RAP1GAP2: variants seen among roughly 807,000 people sequenced by gnomAD.
RAP1GAP2 encodes RAP1 GTPase activating protein 2, also known as rap1 GTPase-activating protein 2.
In RAP1GAP2, 27 loss-of-function variants were observed where a neutral mutation model predicts 95.0. The ratio of observed to expected loss-of-function variants is 0.28; its 90% CI spans 0.21 to 0.39. The LOEUF (loss-of-function observed/expected upper bound fraction) is 0.39. RAP1GAP2 is among the 10% of genes least tolerant of loss of function. The pLI is 1.00. For missense variants in RAP1GAP2, 771 were observed against 970.0 expected, an observed-to-expected ratio of 0.79 and a Z score of 2.72; for synonymous variants, 373 against 380.9, an observed-to-expected ratio of 0.98 and a Z score of 0.24.
chr17:2,927,066 G>C (rs1483096908), intron 3 of RAP1GAP2, among the ~76,000 whole-genome samples: 1 of 151,288 alleles, frequency 6.6e-6, no homozygotes, highest in Non-Finnish European at 1.5e-5. Context: ...AGGCTCTAGG[G>C]GACAATCTAT....
intron 1 of RAP1GAP2, among the ~76,000 whole-genome samples, chr17:2,788,596 C>T (rs1432079376): frequency 1.3e-5 from 2 of 152,168 alleles, no homozygotes; most frequent in East Asian, 3.8e-4. Context: ...AGGCATGAGC[C>T]ACTGCACCCC....
intron 2 of RAP1GAP2, among the ~76,000 whole-genome samples, chr17:2,891,341 A>G (rs766904581): frequency 1.3e-5 from 2 of 151,610 alleles, no homozygotes; most frequent in Non-Finnish European, 2.9e-5. Flanking sequence ...TGGTCTCACT[A>G]TATTGCCCAA....
intron 10 of RAP1GAP2, among the ~76,000 whole-genome samples, chr17:2,983,069 C>T (rs993027121): frequency 6.6e-6 from 1 of 152,220 alleles, no homozygotes; most frequent in East Asian, 1.9e-4. Flanking sequence ...GCTGGGGGAG[C>T]TGCGAAGCGT....
At chr17:2,864,007 G>A (rs371768822) in intron 2 of RAP1GAP2, among the ~76,000 whole-genome samples, 26 of 151,980 alleles carry the variant, frequency 1.7e-4, no homozygotes, top group East Asian at 1.5e-3. Flanking sequence ...AGCCGAGATC[G>A]CGCCACTGCA....
rs983887154 is a variant in RAP1GAP2 at position 2,922,835 on chromosome 17, T to G, written c.165+17467T>G. ...CCAGTATTTTCTTTTTGTTTTTGTT[T>G]TTTTTTTTTTTTTTGAGACAGAAAT... is the stretch of plus-strand genomic sequence containing the variant. On this transcript the variant is annotated intron_variant, in intron 3 of 24. Transcript: ENST00000254695. Among the ~76,000 whole-genome samples, 600 of 148,854 alleles carry G rather than the reference T, an allele frequency of 4.0e-3. 5 individuals carry two copies. The highest frequency in any genetic ancestry group is 6.8e-3 in the Admixed American group (102 of 14,988).
intron 22 of RAP1GAP2, among the ~76,000 whole-genome samples, chr17:3,028,948 G>A (rs2047209977): frequency 6.6e-6 from 1 of 152,192 alleles, no homozygotes; most frequent in East Asian, 1.9e-4. Context: ...TTACAGGCAT[G>A]TGCCACATGC....
At chr17:2,761,363 A>T in intron 1 of RAP1GAP2, among the ~76,000 whole-genome samples, 1 of 145,370 alleles carries the variant, frequency 6.9e-6, no homozygotes, top group East Asian at 2.0e-4. Context: ...ATCTCAGCTC[A>T]CCGCAACCTC....
chr17:2,957,884 G>T, intron 4 of RAP1GAP2, 90 bp downstream of exon 4: 1 of 1,330,328 alleles, frequency 7.5e-7, no homozygotes. Flanking sequence ...GGCAGAAGCC[G>T]GGTGCCCTGG....
At chr17:2,844,082 T>G (rs1360113546) in intron 2 of RAP1GAP2, among the ~76,000 whole-genome samples, 8 of 151,956 alleles carry the variant, frequency 5.3e-5, no homozygotes, top group African/African-American at 9.7e-5. Context: ...GTGCAGTGGC[T>G]CGATCTCGGC....
In RAP1GAP2 at chr17:3,027,617, AG is replaced by A. The variant is rs140439238; in HGVS notation, c.2107+548del. ...GGCCGGAGCGTTGACAGGCTGGGTC[AG>A]CCCCGGGCCCCGGGTGAGGATTTTG... On this transcript the variant is annotated intron_variant, in intron 22 of 24. Coordinates refer to ENST00000254695, the MANE Select transcript of RAP1GAP2 (RefSeq NM_015085.5). This position sits in a 1 kb window ranked among gnomAD's most constrained non-coding sequence, Gnocchi z 5.2. 0.15 allele frequency among the ~76,000 whole-genome samples: 22,599 copies of A among 152,086 alleles called. 1,991 individuals carry two copies. Among genetic ancestry groups the A allele is most frequent in the Middle Eastern group, 0.21 (61 of 294 alleles).
In RAP1GAP2 at chr17:2,965,678, TC is replaced by T; in HGVS notation, c.596+37del. The T allele has an allele frequency of 6.9e-7, 1 of 1,457,044 alleles. No individual in the cohort carries two copies. Among genetic ancestry groups the T allele is most frequent in the Non-Finnish European group, 9.5e-7 (1 of 1,052,838 alleles). 90.3% of individuals were successfully genotyped at this position (1,457,044 alleles called of 1,614,324 possible). On this transcript the variant is annotated intron_variant, in intron 8 of 24. Transcript: ENST00000254695. The surrounding 1 kb of genome is among the most constrained non-coding windows in gnomAD (Gnocchi z 4.7). ...TTGCGCTGCTTGAGGCCACTTCTCT[TC>T]CAGGCAGGGCTCTCATCGGTGGTGT...
chr17:2,900,305 G>A (rs1278371951), intron 2 of RAP1GAP2, among the ~76,000 whole-genome samples: 3 of 152,144 alleles, frequency 2.0e-5, no homozygotes, highest in Non-Finnish European at 2.9e-5. Flanking sequence ...GCATTTAAAC[G>A]GCCTTGGACT....
At chr17:2,781,503 C>T (rs2068644705) in intron 1 of RAP1GAP2, among the ~76,000 whole-genome samples, 1 of 152,032 alleles carries the variant, frequency 6.6e-6, no homozygotes, top group Non-Finnish European at 1.5e-5. Context: ...CTGAGCACAC[C>T]CCTGTGTGTG....
chr17:2,944,142 C>T (rs6502639), intron 3 of RAP1GAP2, among the ~76,000 whole-genome samples: 22,032 of 141,816 alleles, frequency 0.16, 3,352 homozygotes, highest in African/African-American at 0.39. Context: ...AGCGAGACTC[C>T]GTCTCAAAAC....
chr17:2,793,871 C>T (rs1042897498), upstream of RAP1GAP2, among the ~76,000 whole-genome samples: 5 of 152,006 alleles, frequency 3.3e-5, no homozygotes, highest in South Asian at 2.1e-4. Flanking sequence ...GAGGCTGAGA[C>T]GGGTGGATCA....
At chr17:2,823,802 G>A (rs1034118031) in intron 2 of RAP1GAP2, among the ~76,000 whole-genome samples, 7 of 152,280 alleles carry the variant, frequency 4.6e-5, no homozygotes, top group African/African-American at 1.4e-4. Context: ...TAAGCAAGCA[G>A]AATGGGAAGC....
chr17:2,816,667 C>A (rs903602522), intron 2 of RAP1GAP2, among the ~76,000 whole-genome samples: 1 of 124,774 alleles, frequency 8.0e-6, no homozygotes, highest in African/African-American at 2.7e-5. Flanking sequence ...TAAAACTTAC[C>A]ATTTAAAGCA....
intron 2 of RAP1GAP2, among the ~76,000 whole-genome samples, chr17:2,805,341 C>T (rs894356198): frequency 2.0e-5 from 3 of 152,068 alleles, no homozygotes; most frequent in East Asian, 3.9e-4. Context: ...TGGGAGCCTC[C>T]GAGACACTCC....
intron 3 of RAP1GAP2, among the ~76,000 whole-genome samples, chr17:2,938,615 G>A (rs2043378126): frequency 6.6e-6 from 1 of 152,132 alleles, no homozygotes; most frequent in South Asian, 2.1e-4. Flanking sequence ...CAGGGCATGA[G>A]CACTGCTATC....
Sources: allele counts gnomAD v4.1 joint callset (sites outside exome capture counted in the v4.1 genomes callset), GRCh38; gene constraint gnomAD v4.1.1; non-coding constraint Gnocchi (gnomAD v3.1); transcripts MANE v1.5; gene names NCBI Gene and HGNC (gene_info 2026-07-23, HGNC 2026-07-21).